Variants in PCDHA12 observed in about 807,000 individuals in gnomAD.
PCDHA12 encodes protocadherin alpha-12.
In PCDHA12, 44 loss-of-function variants were observed where a neutral mutation model predicts 60.0. The observed-to-expected ratio is 0.73, with a 90% CI of 0.58 to 0.94. The LOEUF (loss-of-function observed/expected upper bound fraction) is 0.94. Among genes scored for constraint, PCDHA12 ranks in the 40% least tolerant of loss-of-function variants. PCDHA12 has a pLI of 0.00. For missense variants in PCDHA12, 1,276 were observed against 1,239.7 expected, an observed-to-expected ratio of 1.03 and a Z score of -0.44; for synonymous variants, 569 against 553.0, an observed-to-expected ratio of 1.03 and a Z score of -0.40.
intron 1 of PCDHA12, among the ~76,000 whole-genome samples, chr5:140,879,820 T>C (rs917285977): frequency 6.6e-6 from 1 of 152,232 alleles, no homozygotes; most frequent in Non-Finnish European, 1.5e-5. Flanking sequence ...CTGTTGGTGT[T>C]CCCTGGCTTG....
intron 3 of PCDHA12, among the ~76,000 whole-genome samples, chr5:140,995,811 G>A (rs949931541): frequency 6.6e-6 from 1 of 152,240 alleles, no homozygotes; most frequent in South Asian, 2.1e-4. Context: ...GTTTCTGAAG[G>A]GAGATAGCCT....
intron 3 of PCDHA12, among the ~76,000 whole-genome samples, chr5:141,007,395 C>CAAAAAAAAAAAAAA (rs35800918): frequency 1.1e-5 from 1 of 94,866 alleles, no homozygotes; most frequent in Non-Finnish European, 2.1e-5. Context: ...TACTAAAATA[C>CAAAAAAAAAAAAAA]AAAAAAAAAA....
intron 1 of PCDHA12, chr5:140,927,739 CG>C: frequency 1.2e-6 from 2 of 1,614,212 alleles, no homozygotes; most frequent in Non-Finnish European, 1.7e-6. Flanking sequence ...GCTGCGACAC[CG>C]CTTTCACGTG....
At chr5:140,899,201 G>T (rs1400966236) in intron 1 of PCDHA12, among the ~76,000 whole-genome samples, 5 of 151,818 alleles carry the variant, frequency 3.3e-5, no homozygotes, top group Admixed American at 6.6e-5. Context: ...CTGCCTAATT[G>T]CCCTGGCCAG....
At chr5:141,007,299 T>C (rs550659664) in intron 3 of PCDHA12, among the ~76,000 whole-genome samples, 9 of 151,686 alleles carry the variant, frequency 5.9e-5, no homozygotes, top group African/African-American at 2.2e-4. Context: ...GCCTGTAATC[T>C]TAGCATTTTG....
intron 1 of PCDHA12, among the ~76,000 whole-genome samples, chr5:140,902,752 C>A (rs782602670): frequency 2.0e-5 from 3 of 148,884 alleles, no homozygotes; most frequent in African/African-American, 7.3e-5. Flanking sequence ...TCCATTATAT[C>A]ATTCTTATGT....
rs781878840 is a variant in PCDHA12, at chr5:140,877,500, A to G, written c.2028A>G (p.Pro676=). 5.0e-5 allele frequency: 80 copies of G among 1,613,694 alleles called. No individual in the cohort carries two copies. The highest frequency in any genetic ancestry group is 6.6e-5 in the Non-Finnish European group (78 of 1,179,874). ...LVSLVENGQA[P]KTSSRASVGA... Reference sequence around the variant, plus strand: ...CGCTGGTGGAGAACGGCCAGGCCCCAAAGACGTCGTCGCGGGCCTCAGTGG... The same window carrying G: ...CGCTGGTGGAGAACGGCCAGGCCCCGAAGACGTCGTCGCGGGCCTCAGTGG... The change falls in exon 1 of 4, where the codon CCA becomes CCG. Residue 676 remains proline (P), a synonymous_variant. Coordinates refer to ENST00000398631, the MANE Select transcript of PCDHA12 (RefSeq NM_018903.4).
At chr5:141,006,276 A>T (rs2098265134) in intron 3 of PCDHA12, among the ~76,000 whole-genome samples, 1 of 151,894 alleles carries the variant, frequency 6.6e-6, no homozygotes, top group Admixed American at 6.6e-5. Context: ...CAGTGGCACG[A>T]TCTCAGCTCA....
chr5:141,010,073 T>C lies in PCDHA12; in HGVS notation c.*136T>C. On this transcript the variant is annotated 3_prime_UTR_variant, in exon 4 of 4. Coordinates refer to ENST00000398631, the MANE Select transcript of PCDHA12 (RefSeq NM_018903.4). ...CCTCAGAAATCTGCAGAAAGTTCCC[T>C]GTGTCTGTCTAGAACGCATTTAACA... 6.2e-7 allele frequency: 1 copy of C among 1,606,602 alleles called. No individual in the cohort carries two copies. The highest frequency in any genetic ancestry group is 1.7e-5 in the Admixed American group (1 of 59,096).
intron 1 of PCDHA12, among the ~76,000 whole-genome samples, chr5:140,892,561 A>G (rs766284976): frequency 1.3e-5 from 2 of 152,156 alleles, no homozygotes; most frequent in Non-Finnish European, 2.9e-5. Context: ...GTCCTTGGAG[A>G]CTGTCAAAAG....
chr5:140,964,556 G>A (rs2095839745), intron 1 of PCDHA12, among the ~76,000 whole-genome samples: 1 of 152,166 alleles, frequency 6.6e-6, no homozygotes. Context: ...GCGACTTGGA[G>A]GGCTGGGAGG....
At chr5:140,889,331 T>A (rs2153427061) in intron 1 of PCDHA12, among the ~76,000 whole-genome samples, 1 of 152,216 alleles carries the variant, frequency 6.6e-6, no homozygotes, top group Middle Eastern at 3.4e-3. Flanking sequence ...ATCAGGATTT[T>A]GATTGGTGGG....
rs868946985 is a variant in PCDHA12, at chr5:140,985,825, T to C, written c.2515+3262T>C. ...CACGATCTCAGCTCACAACAAGCTC[T>C]GCCTCCCGGGTTCATGCCACTCTCC... On this transcript the variant is annotated intron_variant, in intron 3 of 3. Transcript: ENST00000398631. 4.1e-4 allele frequency among the ~76,000 whole-genome samples: 61 copies of C among 148,858 alleles called. 1 individual carries two copies. The highest frequency in any genetic ancestry group is 2.7e-4 in the Admixed American group (4 of 14,688).
intron 3 of PCDHA12, among the ~76,000 whole-genome samples, chr5:140,998,878 T>C (rs1379445555): frequency 6.6e-6 from 1 of 152,218 alleles, no homozygotes; most frequent in Non-Finnish European, 1.5e-5. Context: ...ATAATAAGTT[T>C]AGTTGAATAA....
intron 1 of PCDHA12, among the ~76,000 whole-genome samples, chr5:140,900,673 A>G (rs936784929): frequency 3.3e-5 from 5 of 152,210 alleles, no homozygotes; most frequent in African/African-American, 1.2e-4. Flanking sequence ...GAGTGCAGTT[A>G]TCTCTTCAAT....
intron 1 of PCDHA12, chr5:140,969,008 G>A (rs782541476): frequency 6.2e-7 from 1 of 1,614,194 alleles, no homozygotes; most frequent in Non-Finnish European, 8.5e-7. Context: ...CTTCTGTGGA[G>A]TAAGGGAAAG....
intron 1 of PCDHA12, among the ~76,000 whole-genome samples, chr5:140,920,334 T>A (rs2079581280): frequency 6.6e-6 from 1 of 152,212 alleles, no homozygotes; most frequent in South Asian, 2.1e-4. Context: ...TTATGGCATT[T>A]CTTATTTGTC....
At chr5:141,003,663 A>G (rs1298864445) in intron 3 of PCDHA12, among the ~76,000 whole-genome samples, 4 of 152,204 alleles carry the variant, frequency 2.6e-5, no homozygotes, top group Non-Finnish European at 5.9e-5. Flanking sequence ...CATTTATTAA[A>G]ATATATGTTG....
At chr5:140,968,332 C>T (rs2096240603) in intron 1 of PCDHA12, 2 of 1,614,158 alleles carry the variant, frequency 1.2e-6, no homozygotes, top group Non-Finnish European at 1.7e-6. Flanking sequence ...CCTCCTATGT[C>T]TCCATTAACA....
Sources: gnomAD v4.1 joint callset for allele counts (sites outside exome capture counted in the v4.1 genomes callset) on GRCh38, gnomAD v4.1.1 for gene constraint, MANE v1.5 for transcripts, NCBI Gene and HGNC (gene_info 2026-07-23, HGNC 2026-07-21) for gene names.